The following DPYD variants were observed in gnomAD, a reference collection of about 807,000 sequenced individuals.
DPYD encodes the protein dihydropyrimidine dehydrogenase [NADP(+)].
Under a neutral mutation model 116.2 loss-of-function variants are expected in DPYD, and 109 were observed. That is an observed-to-expected ratio of 0.94 (90% CI 0.80 to 1.10). The LOEUF is 1.10. Ranked by LOEUF, DPYD falls within the 50% of genes least tolerant of loss-of-function variation. The pLI is 0.00. For synonymous variants in DPYD, 440 were observed against 432.0 expected, an observed-to-expected ratio of 1.02 and a Z score of -0.23; for missense variants, 1,302 against 1,254.5, an observed-to-expected ratio of 1.04 and a Z score of -0.57.
Position 97,679,195 on chromosome 1 carries a change from A to G in DPYD, c.763-13T>C, listed in dbSNP as rs745936465. ...TACCGCAAATTATCTATAAGAAACA[A>G]TATTTTGCATAAGAAAATTTGGCAT... On this transcript the variant is annotated splice_polypyrimidine_tract_variant and intron_variant, in intron 7 of 22. Coordinates refer to ENST00000370192, the MANE Select transcript of DPYD (RefSeq NM_000110.4). The G allele has an allele frequency of 4.2e-6, 6 of 1,423,118 alleles. No individual in the cohort carries two copies. The South Asian group carries it at 7.5e-5, about 18-fold the overall frequency. 88.2% of individuals were successfully genotyped at this position (1,423,118 alleles called of 1,614,324 possible). A position where few individuals can be genotyped will look rare whatever the true frequency, so the allele number is the denominator to read the frequency against.
At chr1:97,887,135 G>A (rs1672537318) in intron 1 of DPYD, among the ~76,000 whole-genome samples, 1 of 151,946 alleles carries the variant, frequency 6.6e-6, no homozygotes, top group Non-Finnish European at 1.5e-5. Context: ...TGCACCCTGT[G>A]AGAATGACAT....
At chr1:97,835,942 C>T (rs1045983899) in intron 2 of DPYD, among the ~76,000 whole-genome samples, 10 of 152,132 alleles carry the variant, frequency 6.6e-5, no homozygotes, top group Admixed American at 3.3e-4. Context: ...TCTGAACAAT[C>T]TGACCCATCT....
At chr1:97,544,076 T>C (rs1285817593) in intron 12 of DPYD, among the ~76,000 whole-genome samples, 3 of 152,108 alleles carry the variant, frequency 2.0e-5, no homozygotes, top group Non-Finnish European at 2.9e-5. Flanking sequence ...GTAAAAGTCA[T>C]TGAAGGGTTT....
intron 10 of DPYD, among the ~76,000 whole-genome samples, chr1:97,580,079 A>G (rs551773864): frequency 1.3e-5 from 2 of 152,350 alleles, no homozygotes; most frequent in South Asian, 4.1e-4. Flanking sequence ...TTAATTTTCT[A>G]TAATTAAAAG....
intron 3 of DPYD, among the ~76,000 whole-genome samples, chr1:97,776,930 G>A (rs1429829322): frequency 6.6e-6 from 1 of 152,092 alleles, no homozygotes; most frequent in Admixed American, 6.6e-5. Context: ...ACATTTTCTA[G>A]GGTATTTGAG....
At chr1:97,110,772 C>T (rs1000618711) in intron 20 of DPYD, among the ~76,000 whole-genome samples, 1 of 152,044 alleles carries the variant, frequency 6.6e-6, no homozygotes, top group African/African-American at 2.4e-5. Context: ...AAGCTAACAA[C>T]AATCTTTATT....
intron 5 of DPYD, among the ~76,000 whole-genome samples, chr1:97,706,068 A>G (rs1046845609): frequency 7.2e-5 from 11 of 151,998 alleles, no homozygotes; most frequent in Admixed American, 2.0e-4. Context: ...TTCAATAAGA[A>G]ATGTATAACT....
intron 14 of DPYD, among the ~76,000 whole-genome samples, chr1:97,400,008 G>A (rs1414570393): frequency 6.6e-6 from 1 of 152,088 alleles, no homozygotes; most frequent in Non-Finnish European, 1.5e-5. Flanking sequence ...GGTGAGAGAG[G>A]GCATCCCTGT....
chr1:97,881,443 A>T (rs533773047), intron 2 of DPYD, among the ~76,000 whole-genome samples: 8 of 152,144 alleles, frequency 5.3e-5, no homozygotes, highest in African/African-American at 1.9e-4. Flanking sequence ...CCGTAGGTAT[A>T]AATAGCATCC....
At chr1:97,855,757 G>A (rs1355796324) in intron 2 of DPYD, 2 of 152,110 alleles carry the variant, frequency 1.3e-5, no homozygotes, top group Non-Finnish European at 2.9e-5. Context: ...AAGACACTTC[G>A]GATAAAAATT....
intron 11 of DPYD, among the ~76,000 whole-genome samples, chr1:97,556,924 T>A (rs1287944354): frequency 1.3e-5 from 2 of 150,410 alleles, no homozygotes; most frequent in Admixed American, 6.6e-5. Flanking sequence ...CCCTGAGGAA[T>A]TGCCACACTG....
intron 3 of DPYD, among the ~76,000 whole-genome samples, chr1:97,773,530 C>T (rs888576641): frequency 6.6e-6 from 1 of 152,122 alleles, no homozygotes; most frequent in Non-Finnish European, 1.5e-5. Context: ...TCTGACCCAC[C>T]ATGCTCCCCC....
rs112399171 is a variant in DPYD, at chr1:97,093,776, T to G, written c.2766+4713A>C. Among the ~76,000 whole-genome samples the G allele has an allele frequency of 8.6e-3, 1,304 of 152,256 alleles. 21 individuals carry two copies. The highest frequency in any genetic ancestry group is 0.03 in the African/African-American group (1,252 of 41,556). On this transcript the variant is annotated intron_variant, in intron 21 of 22. Transcript: ENST00000370192. ...TGAGGGCAATAGTTTCTGAAGACAT[T>G]TTTATGGTCACTTTCTTTAAATATG...
intron 7 of DPYD, among the ~76,000 whole-genome samples, chr1:97,688,351 T>C (rs887118082): frequency 1.3e-5 from 2 of 152,240 alleles, no homozygotes; most frequent in African/African-American, 4.8e-5. Flanking sequence ...TTTTATTGTA[T>C]ACTGAAATAG....
chr1:97,301,387 T>C (rs951783717), intron 18 of DPYD, among the ~76,000 whole-genome samples: 3 of 152,000 alleles, frequency 2.0e-5, no homozygotes, highest in South Asian at 2.1e-4. Context: ...TTGGTGAAAA[T>C]AGAACAAATT....
rs67653141 is a variant in DPYD at position 97,560,558 on chromosome 1, C to CA, written c.1340-10815dup. 4.1e-3 allele frequency among the ~76,000 whole-genome samples: 452 copies of CA among 111,390 alleles called. 1 individual carries two copies. Among genetic ancestry groups the CA allele is most frequent in the East Asian group, 7.4e-3 (25 of 3,376 alleles). 73.1% of individuals were successfully genotyped at this position (111,390 alleles called of 152,430 possible). A position where few individuals can be genotyped will look rare whatever the true frequency, so the allele number is the denominator to read the frequency against. On this transcript the variant is annotated intron_variant, in intron 11 of 22. Coordinates refer to ENST00000370192, the MANE Select transcript of DPYD (RefSeq NM_000110.4). ...ACCTTGCCTTCATTCATTCAATTAGCAAAAAAAAAAAAAAAAAATTGTTTT... is the reference window on the plus strand; with the variant it reads ...ACCTTGCCTTCATTCATTCAATTAGCAAAAAAAAAAAAAAAAAAATTGTTTT...
At chr1:97,688,153 T>G (rs1481511101) in intron 7 of DPYD, among the ~76,000 whole-genome samples, 2 of 151,810 alleles carry the variant, frequency 1.3e-5, no homozygotes, top group Admixed American at 6.6e-5. Context: ...AAAACTAAAT[T>G]TAAAAAAGAG....
chr1:97,906,842 G>A (rs1045005444), intron 1 of DPYD, among the ~76,000 whole-genome samples: 2 of 152,084 alleles, frequency 1.3e-5, no homozygotes, highest in South Asian at 4.1e-4. Context: ...AGCAATCTCA[G>A]TATCTTTCCT....
intron 11 of DPYD, among the ~76,000 whole-genome samples, chr1:97,552,786 C>T (rs1340540687): frequency 2.0e-5 from 3 of 152,014 alleles, no homozygotes; most frequent in African/African-American, 7.2e-5. Context: ...AAAATCATCT[C>T]AGTCTCCTTT....
Sources: allele counts gnomAD v4.1 joint callset (sites outside exome capture counted in the v4.1 genomes callset), GRCh38; gene constraint gnomAD v4.1.1; transcripts MANE v1.5; gene names NCBI Gene and HGNC (gene_info 2026-07-23, HGNC 2026-07-21).